Variants in KMT2C observed in about 807,000 individuals in gnomAD.
The protein encoded by KMT2C is lysine methyltransferase 2C, also known as histone-lysine N-methyltransferase 2C.
In KMT2C, 88 loss-of-function variants were observed where a neutral mutation model predicts 507.9. The ratio of observed to expected loss-of-function variants is 0.17; its 90% CI spans 0.15 to 0.21. KMT2C has a LOEUF of 0.21. Ranked by LOEUF, KMT2C falls within the 10% of genes least tolerant of loss-of-function variation. KMT2C has a pLI of 1.00. For synonymous variants in KMT2C, 2,049 were observed against 2,080.8 expected (o/e 0.98, Z 0.42); for missense variants, 4,954 against 5,957.8 (o/e 0.83, Z 5.55).
intron 2 of KMT2C, among the ~76,000 whole-genome samples, chr7:152,350,162 A>C (rs917226764): frequency 6.6e-6 from 1 of 152,188 alleles, no homozygotes; most frequent in African/African-American, 2.4e-5. Flanking sequence ...AGGCAGGAGA[A>C]TCGCTTGAAC....
At chr7:152,253,454 C>T (rs1397396071) in intron 9 of KMT2C, among the ~76,000 whole-genome samples, 2 of 135,254 alleles carry the variant, frequency 1.5e-5, no homozygotes, top group African/African-American at 2.9e-5. Flanking sequence ...ATGGGAGGAT[C>T]GCATGAAGCC....
At chr7:152,182,650 A>T in intron 35 of KMT2C, 56 bp from the exon 36 acceptor site, 1 of 1,428,370 alleles carries the variant, frequency 7.0e-7, no homozygotes, top group East Asian at 2.3e-5. Context: ...GAAAACTACC[A>T]TCATGGGGGG....
At chr7:152,204,713 T>C (rs1038292211) in intron 25 of KMT2C, among the ~76,000 whole-genome samples, 2 of 152,148 alleles carry the variant, frequency 1.3e-5, no homozygotes, top group Non-Finnish European at 2.9e-5. Context: ...GATAAGTAGC[T>C]AAGGCAGTCA....
At chr7:152,342,446 T>C (rs1015792717) in intron 2 of KMT2C, among the ~76,000 whole-genome samples, 1 of 152,186 alleles carries the variant, frequency 6.6e-6, no homozygotes, top group Admixed American at 6.5e-5. Flanking sequence ...AAAAGGGATA[T>C]AACTATAGTT....
intron 9 of KMT2C, among the ~76,000 whole-genome samples, chr7:152,261,767 G>A (rs922812288): frequency 7.2e-5 from 11 of 152,142 alleles, no homozygotes; most frequent in African/African-American, 2.4e-4. Context: ...AAAAAGGCAA[G>A]TAGAGGAACT....
chr7:152,423,749 G>A (rs2097793250), intron 1 of KMT2C, among the ~76,000 whole-genome samples: 1 of 152,168 alleles, frequency 6.6e-6, no homozygotes, highest in South Asian at 2.1e-4. Context: ...AGTCCTTACT[G>A]ATATACCCGG....
At chr7:152,221,831 C>T (rs180862604) in intron 22 of KMT2C, among the ~76,000 whole-genome samples, 170 bp downstream of exon 22, 24 of 152,242 alleles carry the variant, frequency 1.6e-4, no homozygotes, top group African/African-American at 5.5e-4. Flanking sequence ...AATACTGCCC[C>T]AGTAAAGCTG....
rs995487673 is a variant in KMT2C, at chr7:152,420,079, G to C, written c.161+15547C>G. Reference sequence around the variant, plus strand: ...TTGCACTGAGTTACCAGAAATTGAAGGTAGGGATCTTGCCTTATTTTGGTC... The same window carrying C: ...TTGCACTGAGTTACCAGAAATTGAACGTAGGGATCTTGCCTTATTTTGGTC... On this transcript the variant is annotated intron_variant, in intron 1 of 58. Transcript: ENST00000262189. Among the ~76,000 whole-genome samples the C allele has an allele frequency of 2.6e-5, 4 of 152,198 alleles. No individual in the cohort carries two copies. In the South Asian group the frequency reaches 8.3e-4, roughly 32 times the overall value.
chr7:152,138,926 A>C lies in KMT2C; in HGVS notation c.14535-22T>G. ...ATACCTGCAAGCCACCATGTCAGAA[A>C]ACTGTATTGTAAAACAGCTAGAAGC... On this transcript the variant is annotated intron_variant, in intron 57 of 58. Coordinates refer to ENST00000262189, the MANE Select transcript of KMT2C (RefSeq NM_170606.3). This position sits in a 1 kb window ranked among gnomAD's most constrained non-coding sequence, Gnocchi z 4.2. 1 of 1,559,364 alleles carries C rather than the reference A, an allele frequency of 6.4e-7. No homozygotes were observed.
chr7:152,144,903 C>T lies in KMT2C; in HGVS notation c.14175-22G>A, dbSNP rs2129092944. On this transcript the variant is annotated intron_variant, in intron 54 of 58. Transcript: ENST00000262189. The surrounding 1 kb of genome is among the most constrained non-coding windows in gnomAD (Gnocchi z 4.4). ...AGGCCTGCAGACAATGGCATATCAA[C>T]AGGAAAAAAATACAAGGAAAACTGA... 6.3e-7 allele frequency: 1 copy of T among 1,587,518 alleles called. No homozygotes were observed. The highest frequency in any genetic ancestry group is 8.6e-7 in the Non-Finnish European group (1 of 1,163,934).
chr7:152,209,049 T>C lies in KMT2C; in HGVS notation c.3713-1621A>G, dbSNP rs142021001. On this transcript the variant is annotated intron_variant, in intron 23 of 58. Coordinates refer to ENST00000262189, the MANE Select transcript of KMT2C (RefSeq NM_170606.3). ...TGGTACACGCCTAAAAGCCCAGCTA[T>C]TCAGGAGGCTGAGGCAGGAGAATTG... Among the ~76,000 whole-genome samples, 67 of 151,960 alleles carry C rather than the reference T, an allele frequency of 4.4e-4. No homozygotes were observed. The East Asian group carries it at 0.01, about 24-fold the overall frequency.
At chr7:152,418,577 G>A (rs1412929700) in intron 1 of KMT2C, among the ~76,000 whole-genome samples, 2 of 151,850 alleles carry the variant, frequency 1.3e-5, no homozygotes, top group East Asian at 2.0e-4. Context: ...GACTACAGGC[G>A]CATGCCACCA....
intron 1 of KMT2C, among the ~76,000 whole-genome samples, chr7:152,420,760 G>A (rs540885814): frequency 3.3e-5 from 5 of 151,990 alleles, no homozygotes; most frequent in East Asian, 3.9e-4. Flanking sequence ...GCTTGAACCC[G>A]GGAGGCACAG....
intron 1 of KMT2C, 58 bp from the exon 2 acceptor site, chr7:152,358,733 T>TA: frequency 9.0e-7 from 1 of 1,109,490 alleles, no homozygotes; most frequent in Non-Finnish European, 1.3e-6. Context: ...TTTTAAGGCT[T>TA]AGACTTATAT....
rs776210461 is a variant in KMT2C at position 152,181,389 on chromosome 7, G to A, written c.6471C>T (p.Asp2157=). 6.2e-7 allele frequency: 1 copy of A among 1,614,034 alleles called. No homozygotes were observed. The highest frequency in any genetic ancestry group is 8.5e-7 in the Non-Finnish European group (1 of 1,180,020). Residue 2157 remains aspartate, a synonymous_variant, in exon 36 of 59, where the codon GAC becomes GAT. Transcript: ENST00000262189. ...GAGTTCCAGGAGGTTGAGAGTAAGG[G>A]TCTGTATTGGACCTAGCTGTTCCTG... ...QSSGTARSNT[D]PYSQPPGTPR...
At chr7:152,434,398 C>T (rs1206922592) in intron 1 of KMT2C, among the ~76,000 whole-genome samples, 2 of 152,176 alleles carry the variant, frequency 1.3e-5, no homozygotes, top group African/African-American at 2.4e-5. Flanking sequence ...AAGTCAAGAG[C>T]TCAATGGGTT....
At chr7:152,266,387 G>C (rs2095858375) in intron 7 of KMT2C, among the ~76,000 whole-genome samples, 1 of 152,100 alleles carries the variant, frequency 6.6e-6, no homozygotes, top group African/African-American at 2.4e-5. Flanking sequence ...TGGGCTTACA[G>C]GCGTGTGCCA....
chr7:152,400,149 A>G (rs1050478504), intron 1 of KMT2C, among the ~76,000 whole-genome samples: 1 of 152,052 alleles, frequency 6.6e-6, no homozygotes, highest in East Asian at 1.9e-4. Flanking sequence ...CCTCTCTACT[A>G]AAAATACAAA....
intron 1 of KMT2C, among the ~76,000 whole-genome samples, chr7:152,418,875 C>G (rs2097762008): frequency 6.7e-6 from 1 of 148,184 alleles, no homozygotes; most frequent in South Asian, 2.2e-4. Flanking sequence ...AAAAAAAAAA[C>G]TGTGTATATG....
Sources: gnomAD v4.1 joint callset for allele counts (sites outside exome capture counted in the v4.1 genomes callset) on GRCh38, gnomAD v4.1.1 for gene constraint, Gnocchi (gnomAD v3.1) non-coding constraint, MANE v1.5 for transcripts, NCBI Gene and HGNC (gene_info 2026-07-23, HGNC 2026-07-21) for gene names.